Variants in USP13 observed in about 807,000 individuals in gnomAD.
The protein encoded by USP13 is ubiquitin carboxyl-terminal hydrolase 13.
Under a neutral mutation model 107.8 loss-of-function variants are expected in USP13, and 68 were observed. The ratio of observed to expected loss-of-function variants is 0.63; its 90% confidence interval spans 0.52 to 0.77. The LOEUF is 0.77. USP13 is among the 30% of genes least tolerant of loss of function. The pLI, the probability that USP13 is intolerant of heterozygous loss-of-function variation, is 0.00. For missense variants in USP13, 945 were observed against 1,093.3 expected, an observed-to-expected ratio of 0.86 and a Z score of 1.91; for synonymous variants, 377 against 389.5, an observed-to-expected ratio of 0.97 and a Z score of 0.38.
At chr3:179,680,821 A>ACTTTCTTTCTTCTATCTTTCTCT (rs1560046343) in intron 1 of USP13, among the ~76,000 whole-genome samples, 30 of 147,012 alleles carry the variant, frequency 2.0e-4, no homozygotes, top group Non-Finnish European at 3.2e-4. Context: ...GATTACAGGC[A>ACTTTCTTTCTTCTATCTTTCTCT]TGAGTCACCG....
intron 1 of USP13, among the ~76,000 whole-genome samples, chr3:179,673,882 C>T (rs550076132): frequency 3.3e-5 from 5 of 152,208 alleles, no homozygotes; most frequent in African/African-American, 7.2e-5. Context: ...AGTAGTGTTT[C>T]GAGATTTCTT....
At chr3:179,782,518 A>G (rs1043333520) in intron 20 of USP13, among the ~76,000 whole-genome samples, 2 of 152,140 alleles carry the variant, frequency 1.3e-5, no homozygotes, top group African/African-American at 4.8e-5. Context: ...TACAGGACCT[A>G]CTGGTGCCCT....
At chr3:179,743,718 T>A (rs1401903250) in intron 12 of USP13, among the ~76,000 whole-genome samples, 1 of 152,138 alleles carries the variant, frequency 6.6e-6, no homozygotes, top group Non-Finnish European at 1.5e-5. Flanking sequence ...GTTTATCATT[T>A]ATTAGTGATA....
intron 1 of USP13, among the ~76,000 whole-genome samples, chr3:179,660,427 G>A (rs760868888): frequency 2.0e-5 from 3 of 152,164 alleles, no homozygotes; most frequent in Non-Finnish European, 4.4e-5. Context: ...ATGTTATCAA[G>A]GTTCAGTGTT....
intron 3 of USP13, among the ~76,000 whole-genome samples, chr3:179,694,537 T>C (rs1576930675): frequency 6.6e-6 from 1 of 151,864 alleles, no homozygotes; most frequent in African/African-American, 2.4e-5. Flanking sequence ...GCGCGGTGGC[T>C]CATGCCTGTA....
In USP13 at chr3:179,721,658, T is replaced by C. The variant is rs1713323639; in HGVS notation, c.1088+69T>C. On this transcript the variant is annotated intron_variant, in intron 8 of 20. Transcript: ENST00000263966. The surrounding 1 kb of genome is among the most constrained non-coding windows in gnomAD (Gnocchi z 4.3). ...CCCCATCTAGGTCCAGTCCACTCAG[T>C]GTGCGCTGCGAAGCCCATCTTTATT... is the stretch of plus-strand genomic sequence containing the variant. 1 of 1,524,210 alleles carries C rather than the reference T, an allele frequency of 6.6e-7. No individual in the cohort carries two copies. The highest frequency in any genetic ancestry group is 1.4e-5 in the African/African-American group (1 of 72,728). 94.4% of individuals were successfully genotyped at this position (1,524,210 alleles called of 1,614,324 possible). A position where few individuals can be genotyped will look rare whatever the true frequency, so the allele number is the denominator to read the frequency against.
intron 15 of USP13, 99 bp downstream of exon 15, chr3:179,754,953 C>G (rs1714738099): frequency 7.0e-7 from 1 of 1,423,538 alleles, no homozygotes; most frequent in Admixed American, 2.5e-5. Context: ...CCACCACCAC[C>G]CATTGGTGGT....
chr3:179,765,634 G>A lies in USP13; in HGVS notation c.2260-61G>A, dbSNP rs1356943537. ...CCTGACATCTAGTTGAAATGGTCAG[G>A]ACATAGTGAGGCCTGAGGCTGCATG... is the stretch of plus-strand genomic sequence containing the variant. On this transcript the variant is annotated intron_variant, in intron 18 of 20. Transcript: ENST00000263966. 10 of 1,584,260 alleles carry A rather than the reference G, an allele frequency of 6.3e-6. No homozygotes were observed. In the East Asian group the frequency reaches 1.3e-4, roughly 21 times the overall value.
rs113908086 is a variant in USP13 at position 179,664,130 on chromosome 3, GTT to G, written c.168+10749_168+10750del. Among the ~76,000 whole-genome samples the G allele has an allele frequency of 6.2e-3, 891 of 144,020 alleles. 16 individuals carry two copies. Among genetic ancestry groups the G allele is most frequent in the African/African-American group, 0.022 (857 of 39,684 alleles). The allele number at this position is 144,020 out of a possible 152,430, so 94.5% of individuals were successfully genotyped here. A position where few individuals can be genotyped will look rare whatever the true frequency, so the allele number is the denominator to read the frequency against. On this transcript the variant is annotated intron_variant, in intron 1 of 20. Transcript: ENST00000263966. Reference sequence around the variant, plus strand: ...GCATCTTTTCTGATTTTCTGGGTGTGTTTTTTTTTTTTTGGAGTCTTGGTCTG... The same window carrying G: ...GCATCTTTTCTGATTTTCTGGGTGTGTTTTTTTTTTTGGAGTCTTGGTCTG...
At chr3:179,706,883 C>T (rs374686677) in intron 4 of USP13, 51 bp from the exon 5 acceptor site, 9 of 1,546,034 alleles carry the variant, frequency 5.8e-6, no homozygotes, top group African/African-American at 2.8e-5. Flanking sequence ...ACTAGCAAAT[C>T]GTTATTTTCT....
intron 2 of USP13, among the ~76,000 whole-genome samples, chr3:179,687,659 CAAAAAAAAAAA>C (rs71182509): frequency 4.3e-4 from 8 of 18,526 alleles, no homozygotes; most frequent in Admixed American, 3.1e-3. Context: ...AACTCTGTCT[CAAAAAAAAAAA>C]AAAAAAAAAA....
At chr3:179,699,618 A>T (rs1259727513) in intron 3 of USP13, among the ~76,000 whole-genome samples, 3 of 149,786 alleles carry the variant, frequency 2.0e-5, no homozygotes. Flanking sequence ...GAGGATAGCT[A>T]GAGCTTGGGA....
At chr3:179,775,433 A>T (rs1355684512) in intron 19 of USP13, among the ~76,000 whole-genome samples, 1 of 152,216 alleles carries the variant, frequency 6.6e-6, no homozygotes, top group Non-Finnish European at 1.5e-5. Flanking sequence ...TCCCCACCCG[A>T]CTCAGGAGCC....
At chr3:179,756,676 T>A (rs983629706) in intron 15 of USP13, among the ~76,000 whole-genome samples, 7 of 152,178 alleles carry the variant, frequency 4.6e-5, no homozygotes, top group Non-Finnish European at 7.3e-5. Flanking sequence ...GAGGATCACC[T>A]GAGCCCAGGA....
intron 4 of USP13, among the ~76,000 whole-genome samples, chr3:179,706,440 C>T (rs1004405821): frequency 4.6e-5 from 7 of 152,182 alleles, no homozygotes; most frequent in Admixed American, 2.6e-4. Flanking sequence ...TCCAGGGTCA[C>T]ATTTGCACCA....
chr3:179,744,356 T>TG (rs1260595129), intron 12 of USP13, among the ~76,000 whole-genome samples: 1 of 62,656 alleles, frequency 1.6e-5, no homozygotes, highest in African/African-American at 4.0e-5. Flanking sequence ...TTTTTTTTTG[T>TG]TTTGTTTTGT....
intron 19 of USP13, among the ~76,000 whole-genome samples, chr3:179,778,518 C>T (rs1027076409): frequency 6.6e-6 from 1 of 152,178 alleles, no homozygotes; most frequent in African/African-American, 2.4e-5. Context: ...AATCCCAGCA[C>T]TTTGGGAGGC....
In USP13 at chr3:179,726,747, G is replaced by A. The variant is rs1400419996; in HGVS notation, c.1089-3442G>A. 4.0e-5 allele frequency among the ~76,000 whole-genome samples: 6 copies of A among 151,794 alleles called. No homozygotes were observed. The East Asian group carries it at 5.8e-4, about 15-fold the overall frequency. On this transcript the variant is annotated intron_variant, in intron 8 of 20. Coordinates refer to ENST00000263966, the MANE Select transcript of USP13 (RefSeq NM_003940.3). ...GGCTGAAGTGCAGTGGTACAATCACGGCTCACTGCAGCCTTGACCTCCTGG... is the reference window on the plus strand; with the variant it reads ...GGCTGAAGTGCAGTGGTACAATCACAGCTCACTGCAGCCTTGACCTCCTGG...
At chr3:179,768,343 C>A (rs1045931595) in intron 19 of USP13, among the ~76,000 whole-genome samples, 4 of 152,154 alleles carry the variant, frequency 2.6e-5, no homozygotes, top group Non-Finnish European at 5.9e-5. Context: ...AAAGAACAGC[C>A]ACATCATCTC....
Sources: gnomAD v4.1 joint callset for allele counts (sites outside exome capture counted in the v4.1 genomes callset) on GRCh38, gnomAD v4.1.1 for gene constraint, Gnocchi (gnomAD v3.1) non-coding constraint, MANE v1.5 for transcripts, NCBI Gene and HGNC (gene_info 2026-07-23, HGNC 2026-07-21) for gene names.